TMEFF1: variants seen among roughly 807,000 people sequenced by gnomAD.
TMEFF1 encodes the protein tomoregulin-1.
TMEFF1 carries 20 observed loss-of-function variants against 47.5 expected under a neutral mutation model. The observed-to-expected ratio is 0.42, with a 90% CI of 0.30 to 0.61. TMEFF1 has a LOEUF of 0.61. Ranked by LOEUF, TMEFF1 falls within the 20% of genes least tolerant of loss-of-function variation. TMEFF1 has a pLI of 0.19. For missense variants in TMEFF1, 411 were observed against 471.1 expected (o/e 0.87, Z 1.18); for synonymous variants, 162 against 166.3 (o/e 0.97, Z 0.20).
At chr9:100,515,977 C>A (rs1200582480) in intron 4 of TMEFF1, among the ~76,000 whole-genome samples, 1 of 152,068 alleles carries the variant, frequency 6.6e-6, no homozygotes, top group Non-Finnish European at 1.5e-5. Context: ...AAGTGTAAGG[C>A]CCTTTCAGTG....
chr9:100,473,524 C>T lies in TMEFF1; in HGVS notation c.-21C>T, dbSNP rs535819176. On this transcript the variant is annotated 5_prime_UTR_variant, in exon 1 of 10. Transcript: ENST00000374879. This position sits in a 1 kb window ranked among gnomAD's most constrained non-coding sequence, Gnocchi z 5.4. ...CCGGCCTGCGGCTCCCTGCGCTTCC[C>T]GCCGTCCAGGGGCACCAGTCATGGG... is the stretch of plus-strand genomic sequence containing the variant. The T allele has an allele frequency of 2.9e-5, 41 of 1,408,672 alleles. No homozygotes were observed. In the East Asian group the frequency reaches 8.6e-4, roughly 30 times the overall value. The allele number at this position is 1,408,672 out of a possible 1,614,324, so 87.3% of individuals were successfully genotyped here.
chr9:100,488,529 A>T (rs1482180485), intron 1 of TMEFF1, among the ~76,000 whole-genome samples: 25 of 152,220 alleles, frequency 1.6e-4, no homozygotes, highest in Non-Finnish European at 1.5e-5. Flanking sequence ...AGTTGGTTTG[A>T]GTGCTCATTT....
intron 6 of TMEFF1, among the ~76,000 whole-genome samples, chr9:100,548,487 G>T (rs1838776612): frequency 6.6e-6 from 1 of 152,060 alleles, no homozygotes. Context: ...ACCCCTACTA[G>T]AAATATTCAG....
chr9:100,510,383 T>C (rs1837939503), intron 3 of TMEFF1, among the ~76,000 whole-genome samples: 1 of 152,224 alleles, frequency 6.6e-6, no homozygotes, highest in Non-Finnish European at 1.5e-5. Flanking sequence ...AGTGGAGGCA[T>C]GGACAGAGTT....
chr9:100,576,403 G>A, intron 9 of TMEFF1, 113 bp from the exon 10 acceptor site: 2 of 1,305,610 alleles, frequency 1.5e-6, no homozygotes, highest in Admixed American at 2.6e-5. Context: ...TCATGTAATT[G>A]CTTGCAATGT....
At chr9:100,539,285 C>A (rs1006657099) in intron 5 of TMEFF1, among the ~76,000 whole-genome samples, 2 of 152,170 alleles carry the variant, frequency 1.3e-5, no homozygotes, top group African/African-American at 4.8e-5. Flanking sequence ...CGTCAGAATG[C>A]CTGTTTTCCA....
At chr9:100,540,534 AGCT>A (rs1392393221) in intron 5 of TMEFF1, among the ~76,000 whole-genome samples, 1 of 149,538 alleles carries the variant, frequency 6.7e-6, no homozygotes, top group Non-Finnish European at 1.5e-5. Context: ...TAGCAGAGGG[AGCT>A]GGCTCCGGCC....
intron 8 of TMEFF1, among the ~76,000 whole-genome samples, chr9:100,565,801 T>C (rs963235144): frequency 2.0e-5 from 3 of 152,220 alleles, no homozygotes; most frequent in Admixed American, 6.5e-5. Context: ...TGATAAACTT[T>C]TATTTATTCC....
chr9:100,547,568 A>G (rs1321175794), intron 5 of TMEFF1, among the ~76,000 whole-genome samples, 176 bp from the exon 6 acceptor site: 1 of 152,150 alleles, frequency 6.6e-6, no homozygotes, highest in African/African-American at 2.4e-5. Flanking sequence ...TTATCTCTAA[A>G]TCCTCACCTA....
chr9:100,498,277 TTAAAA>T (rs1226955450), intron 1 of TMEFF1, among the ~76,000 whole-genome samples: 2 of 152,186 alleles, frequency 1.3e-5, no homozygotes, highest in Non-Finnish European at 2.9e-5. Flanking sequence ...TCTTTTGTAG[TTAAAA>T]TAGTTTGCCT....
At chr9:100,534,727 A>G (rs10989144) in intron 5 of TMEFF1, among the ~76,000 whole-genome samples, 6,674 of 152,248 alleles carry the variant, frequency 0.044, 324 homozygotes, top group South Asian at 0.22. Flanking sequence ...ACTAAGGAGC[A>G]CTGTCTTTTT....
At chr9:100,565,784 T>C (rs895708347) in intron 8 of TMEFF1, among the ~76,000 whole-genome samples, 1 of 152,178 alleles carries the variant, frequency 6.6e-6, no homozygotes, top group African/African-American at 2.4e-5. Context: ...GTATATCTCA[T>C]ATATATTGAT....
intron 5 of TMEFF1, among the ~76,000 whole-genome samples, chr9:100,519,135 A>G (rs1223497846): frequency 6.6e-6 from 1 of 152,124 alleles, no homozygotes; most frequent in African/African-American, 2.4e-5. Context: ...ATCTTCAGGC[A>G]GGGCGCAGTG....
intron 1 of TMEFF1, among the ~76,000 whole-genome samples, chr9:100,489,838 C>T (rs1449832860): frequency 6.6e-6 from 1 of 152,164 alleles, no homozygotes; most frequent in Non-Finnish European, 1.5e-5. Context: ...AGATCAGAAA[C>T]ATCCATGAGG....
At chr9:100,511,083 T>C (rs1021822864) in intron 3 of TMEFF1, among the ~76,000 whole-genome samples, 12 of 152,226 alleles carry the variant, frequency 7.9e-5, no homozygotes, top group Non-Finnish European at 1.5e-4. Context: ...ATTCTTTCTA[T>C]ACACACTAAA....
In TMEFF1 at chr9:100,478,314, TTTTG is replaced by T. The variant is rs370008102; in HGVS notation, c.196+4595_196+4598del. 2.7e-4 allele frequency among the ~76,000 whole-genome samples: 41 copies of T among 152,252 alleles called. 1 individual carries two copies. The South Asian group carries it at 4.1e-3, about 15-fold the overall frequency. The stretch of plus-strand genomic sequence containing the variant: ...TCTCTTCTTGTTCTCAACAAGACTT[TTTTG>T]TTTGTTTGTTTGTTTGTTTGAGACA... On this transcript the variant is annotated intron_variant, in intron 1 of 9. Transcript: ENST00000374879.
chr9:100,563,138 A>G (rs1452462508), intron 8 of TMEFF1, among the ~76,000 whole-genome samples: 1 of 152,238 alleles, frequency 6.6e-6, no homozygotes, highest in East Asian at 1.9e-4. Flanking sequence ...TTTTTGGTAG[A>G]GACAGGGTTT....
chr9:100,513,358 G>T (rs754436308), intron 4 of TMEFF1, 25 bp downstream of exon 4: 9 of 1,550,012 alleles, frequency 5.8e-6, no homozygotes, highest in Non-Finnish European at 7.8e-6. Flanking sequence ...CCTCTTAAAG[G>T]ATATTTGCTT....
chr9:100,549,200 A>G (rs1480653726), intron 6 of TMEFF1, among the ~76,000 whole-genome samples: 3 of 152,164 alleles, frequency 2.0e-5, no homozygotes. Flanking sequence ...AGGAAACACA[A>G]TCATGGTAGA....
Sources: gnomAD v4.1 joint callset for allele counts (sites outside exome capture counted in the v4.1 genomes callset) on GRCh38, gnomAD v4.1.1 for gene constraint, Gnocchi (gnomAD v3.1) non-coding constraint, MANE v1.5 for transcripts, NCBI Gene and HGNC (gene_info 2026-07-23, HGNC 2026-07-21) for gene names.